Variants in KLC3 observed in about 807,000 individuals in gnomAD.
KLC3 encodes kinesin light chain 2.
Under a neutral mutation model 62.9 loss-of-function variants are expected in KLC3, and 72 were observed. The observed-to-expected ratio is 1.15, with a 90% CI of 0.95 to 1.39. KLC3 has a LOEUF of 1.39. KLC3 is among the 40% of genes most tolerant of loss of function. The pLI is 0.00. For missense variants in KLC3, 848 were observed against 691.6 expected, an observed-to-expected ratio of 1.23 and a Z score of -2.54; for synonymous variants, 377 against 300.5, an observed-to-expected ratio of 1.25 and a Z score of -2.63.
At chr19:45,346,994 G>A (rs956838912) in intron 3 of KLC3, 7 of 509,342 alleles carry the variant, frequency 1.4e-5, no homozygotes, top group Admixed American at 3.5e-5. Flanking sequence ...CGAAGCCCCC[G>A]AGCCTCGCCA....
In KLC3 at chr19:45,349,499, G is replaced by A; in HGVS notation, c.1040G>A (p.Gly347Asp). Residue 347 changes from glycine to aspartate, a missense_variant, in exon 8 of 13, where the codon GGC becomes GAC. Gly to Asp is a moderately conservative substitution (Grantham distance 94). Coordinates refer to ENST00000391946, the MANE Select transcript of KLC3 (RefSeq NM_177417.3). Reference protein sequence around the residue: ...NNLALLCQNQGKFEDVERHYA... With the variant: ...NNLALLCQNQDKFEDVERHYA... ...CTGGCCCTGCTGTGCCAGAACCAGG[G>A]CAAGTTTGAGGACGTGGAGCGGCAC... 1 of 1,613,634 alleles carries A rather than the reference G, an allele frequency of 6.2e-7. No homozygotes were observed. The highest frequency in any genetic ancestry group is 8.5e-7 in the Non-Finnish European group (1 of 1,179,830).
Position 45,347,927 on chromosome 19 carries a change from C to T in KLC3, c.560-14C>T. 6.3e-7 allele frequency: 1 copy of T among 1,587,232 alleles called. No individual in the cohort carries two copies. Among genetic ancestry groups the T allele is most frequent in the Non-Finnish European group, 8.6e-7 (1 of 1,165,172 alleles). On this transcript the variant is annotated splice_polypyrimidine_tract_variant and intron_variant, in intron 4 of 12. Transcript: ENST00000391946. ...AGGCTTGCAGTGACCCAGAGCCCAC[C>T]CCACCCCACCTAGGTCCTGAGGCCG...
At chr19:45,343,398 G>A (rs1240147792) in intron 1 of KLC3, among the ~76,000 whole-genome samples, 1 of 152,034 alleles carries the variant, frequency 6.6e-6, no homozygotes, top group East Asian at 1.9e-4. Flanking sequence ...GTGGTGGCGT[G>A]ATCTTGGCTC....
At position 45,349,622 on chromosome 19, in the gene KLC3, G is replaced by GA; in HGVS notation, c.1143+21dup. On this transcript the variant is annotated intron_variant, in intron 8 of 12. Coordinates refer to ENST00000391946, the MANE Select transcript of KLC3 (RefSeq NM_177417.3). ...AACCTGGTGAGGCCCCTGGGGCTCA[G>GA]AGTGGGCCAAGAGTGGAGGGTCCTG... 1 of 1,582,824 alleles carries GA rather than the reference G, an allele frequency of 6.3e-7. No individual in the cohort carries two copies. The highest frequency in any genetic ancestry group is 8.6e-7 in the Non-Finnish European group (1 of 1,158,974).
Position 45,347,948 on chromosome 19 carries a change from G to A in KLC3, c.567G>A (p.Glu189=), listed in dbSNP as rs1264165544. 2 of 1,602,370 alleles carry A rather than the reference G, an allele frequency of 1.2e-6. No homozygotes were observed. Among genetic ancestry groups the A allele is most frequent in the African/African-American group, 2.7e-5 (2 of 74,380 alleles). ...PSEEEERKGP[E]AAGAAAAQQG... ...CCACCCCACCCCACCTAGGTCCTGA[G>A]GCCGCAGGAGCAGCAGCTGCTCAGC... Residue 189 remains glutamate, a synonymous_variant, in exon 5 of 13, where the codon GAG becomes GAA. Transcript: ENST00000391946.
chr19:45,351,330 C>CA lies in KLC3; in HGVS notation c.1489dup (p.Ser497LysfsTer?). 6.2e-7 allele frequency: 1 copy of CA among 1,612,102 alleles called. No homozygotes were observed. The highest frequency in any genetic ancestry group is 8.5e-7 in the Non-Finnish European group (1 of 1,179,990). On this transcript the variant is annotated frameshift_variant, in exon 13 of 13. Transcript: ENST00000391946. LOFTEE classifies it high-confidence loss of function. Reference sequence around the variant, plus strand: ...ACAAGGCCCCTCGGACCCTCAGCGCCAGCACCCAGGACCTGAGCCCCCACT... The same window carrying CA: ...ACAAGGCCCCTCGGACCCTCAGCGCCAAGCACCCAGGACCTGAGCCCCCACT...
chr19:45,345,521 C>T lies in KLC3; in HGVS notation c.-8-13C>T. Reference sequence around the variant, plus strand: ...GGCAATGATTCCCCAAACCCCTCACCATTGCTCCCCAGGAGCAGCAATGTC... The same window carrying T: ...GGCAATGATTCCCCAAACCCCTCACTATTGCTCCCCAGGAGCAGCAATGTC... On this transcript the variant is annotated splice_polypyrimidine_tract_variant and intron_variant, in intron 1 of 12. Transcript: ENST00000391946. The T allele has an allele frequency of 6.4e-7, 1 of 1,557,616 alleles. No individual in the cohort carries two copies. Among genetic ancestry groups the T allele is most frequent in the Non-Finnish European group, 8.7e-7 (1 of 1,151,296 alleles).
Position 45,346,781 on chromosome 19 carries a change from CG to C in KLC3, c.489+10del. 6.4e-7 allele frequency: 1 copy of C among 1,567,084 alleles called. No individual in the cohort carries two copies. On this transcript the variant is annotated splice_region_variant and intron_variant, in intron 3 of 12. Transcript: ENST00000391946. ...CCCACCGGCGGAGAGCCAGGTGCCA[CG>C]GGCAGGGCGAGGCGGGGGGTGCTGG...
chr19:45,350,572 G>A (rs371191877), intron 10 of KLC3, 21 bp downstream of exon 10: 86 of 1,613,868 alleles, frequency 5.3e-5, no homozygotes, highest in African/African-American at 3.7e-4. Flanking sequence ...GCTGTGCTTC[G>A]GCTCCTGGGG....
At chr19:45,344,122 G>A (rs964149290) in intron 1 of KLC3, among the ~76,000 whole-genome samples, 10 of 150,316 alleles carry the variant, frequency 6.7e-5, no homozygotes, top group Non-Finnish European at 8.8e-5. Flanking sequence ...GTGAGCCACC[G>A]CACCCGGCCT....
chr19:45,346,956 T>G, intron 3 of KLC3, 182 bp downstream of exon 3: 1 of 520,092 alleles, frequency 1.9e-6, no homozygotes, highest in Non-Finnish European at 3.3e-6. Context: ...CACCAGAACT[T>G]CCACAGACGC....
intron 8 of KLC3, 103 bp from the exon 9 acceptor site, chr19:45,350,238 A>G: frequency 1.2e-6 from 1 of 835,392 alleles, no homozygotes; most frequent in Non-Finnish European, 1.9e-6. Context: ...CCTGGGCAAC[A>G]TACCAAGACC....
chr19:45,345,513 C>T (rs1430006692), intron 1 of KLC3, 21 bp from the exon 2 acceptor site: 2 of 1,555,180 alleles, frequency 1.3e-6, no homozygotes, highest in Admixed American at 2.0e-5. Context: ...ATTCCCCAAA[C>T]CCCTCACCAT....
At chr19:45,349,234 C>T (rs570384407) in intron 7 of KLC3, among the ~76,000 whole-genome samples, 195 bp from the exon 8 acceptor site, 44 of 152,298 alleles carry the variant, frequency 2.9e-4, no homozygotes, top group East Asian at 1.5e-3. Context: ...CTGTGCCCCA[C>T]GTTTCTGGAC....
In KLC3 at chr19:45,348,712, G is replaced by C. The variant is rs565698368; in HGVS notation, c.846G>C (p.Thr282=). The change falls in exon 6 of 13, where the codon ACG becomes ACC. Residue 282 remains threonine, a synonymous_variant. Coordinates refer to ENST00000391946, the MANE Select transcript of KLC3 (RefSeq NM_177417.3). The part of the protein sequence containing the change: ...LHDALQIREQ[T]LGPEHPAVAA... ...ATGCCCTGCAGATCCGGGAGCAGAC[G>C]CTGGGCCCTGAGCACCCCGCGGTGA... 1.1e-5 allele frequency: 18 copies of C among 1,593,800 alleles called. 1 individual carries two copies. In the East Asian group the frequency reaches 3.9e-4, roughly 34 times the overall value.
At position 45,351,403 on chromosome 19, in the gene KLC3, G is replaced by A; in HGVS notation, c.*46G>A. 6.2e-7 allele frequency: 1 copy of A among 1,602,230 alleles called. No individual in the cohort carries two copies. The highest frequency in any genetic ancestry group is 8.5e-7 in the Non-Finnish European group (1 of 1,177,688). On this transcript the variant is annotated 3_prime_UTR_variant, in exon 13 of 13. Transcript: ENST00000391946. The stretch of plus-strand genomic sequence containing the variant: ...CCGCAGCTTCTTGGGAACAGTGCAG[G>A]AGGGATGGGCTGGTGGGGTGAGAGG...
intron 8 of KLC3, 59 bp from the exon 9 acceptor site, chr19:45,350,282 C>T: frequency 1.3e-5 from 16 of 1,244,762 alleles, no homozygotes; most frequent in South Asian, 3.8e-5. Flanking sequence ...AAAGGCGGGA[C>T]TGGATGCAGT....
chr19:45,342,412 C>A (rs1027742101), intron 1 of KLC3, among the ~76,000 whole-genome samples: 3 of 151,950 alleles, frequency 2.0e-5, no homozygotes, highest in African/African-American at 7.3e-5. Flanking sequence ...TATGGTGATA[C>A]CCCGTCTCTA....
chr19:45,348,712 GCTGGGCCCTGAGCACCCCGCGGTGA>G lies in KLC3; in HGVS notation c.847_867+4del, dbSNP rs1167752299. Reference sequence around the variant, plus strand: ...ATGCCCTGCAGATCCGGGAGCAGACGCTGGGCCCTGAGCACCCCGCGGTGAGTGGGGCCCCAGGGAGACGAAGTGG... The same window carrying G: ...ATGCCCTGCAGATCCGGGAGCAGACGGTGGGGCCCCAGGGAGACGAAGTGG... On this transcript the variant is annotated splice_donor_variant and splice_donor_region_variant and coding_sequence_variant and intron_variant, in exon 6 of 13. Transcript: ENST00000391946. LOFTEE classifies it high-confidence loss of function. The G allele has an allele frequency of 2.5e-6, 4 of 1,593,682 alleles. No individual in the cohort carries two copies. The highest frequency in any genetic ancestry group is 3.4e-6 in the Non-Finnish European group (4 of 1,170,530).
Sources: allele counts gnomAD v4.1 joint callset (sites outside exome capture counted in the v4.1 genomes callset), GRCh38; gene constraint gnomAD v4.1.1; transcripts MANE v1.5; gene names NCBI Gene and HGNC (gene_info 2026-07-23, HGNC 2026-07-21).